Variants in BPHL observed in about 807,000 individuals in gnomAD.
BPHL encodes biphenyl hydrolase like, also known as serine hydrolase BPHL.
In BPHL, 27 loss-of-function variants were observed where a neutral mutation model predicts 31.2. The ratio of observed to expected loss-of-function variants is 0.87; its 90% CI spans 0.64 to 1.19. The LOEUF (loss-of-function observed/expected upper bound fraction) is 1.19, where lower values mean the gene tolerates loss of function less well. BPHL is among the 50% of genes most tolerant of loss of function. BPHL has a pLI of 0.00. For missense variants in BPHL, 356 were observed against 375.7 expected, an observed-to-expected ratio of 0.95 and a Z score of 0.43; for synonymous variants, 150 against 146.8, an observed-to-expected ratio of 1.02 and a Z score of -0.16.
At chr6:3,127,959 T>G (rs147063212) in intron 3 of BPHL, among the ~76,000 whole-genome samples, 359 of 152,282 alleles carry the variant, frequency 2.4e-3, no homozygotes, top group African/African-American at 8.1e-3. Context: ...TAGCTGGGAT[T>G]ACAGGCACAT....
intron 1 of BPHL, among the ~76,000 whole-genome samples, chr6:3,123,113 G>A (rs1384629918): frequency 6.6e-6 from 1 of 152,246 alleles, no homozygotes; most frequent in Non-Finnish European, 1.5e-5. Flanking sequence ...GTGAGCCCCA[G>A]GCTGGGCACA....
Position 3,152,514 on chromosome 6 carries a change from A to G in BPHL, c.815A>G (p.His272Arg). Reference protein sequence around the residue: ...SRLHLMPEGKHNLHLRFADEF... With the variant: ...SRLHLMPEGKRNLHLRFADEF... ...CTGCATTTGATGCCAGAAGGCAAAC[A>G]CAACCTGCATTTGCGTTTTGCAGAT... Residue 272 changes from histidine (H) to arginine (R), a missense_variant, in exon 7 of 7, where the codon CAC (histidine) becomes CGC (arginine). By Grantham distance (29) the His-to-Arg change is conservative. Coordinates refer to ENST00000380379, the MANE Select transcript of BPHL (RefSeq NM_004332.4). 6.2e-7 allele frequency: 1 copy of G among 1,613,462 alleles called. No homozygotes were observed. Among genetic ancestry groups the G allele is most frequent in the African/African-American group, 1.3e-5 (1 of 74,984 alleles).
intron 5 of BPHL, chr6:3,139,427 G>C (rs890593657): frequency 2.0e-5 from 3 of 152,160 alleles, no homozygotes; most frequent in African/African-American, 4.8e-5. Flanking sequence ...GTGTCATCTC[G>C]GGACAGGAGA....
At chr6:3,141,558 G>A (rs1762177706) in intron 6 of BPHL, among the ~76,000 whole-genome samples, 3 of 152,146 alleles carry the variant, frequency 2.0e-5, no homozygotes, top group South Asian at 2.1e-4. Context: ...CAGTAGAGAC[G>A]GGTTTCACAA....
chr6:3,130,528 C>T (rs1453053514), intron 4 of BPHL, among the ~76,000 whole-genome samples: 1 of 152,174 alleles, frequency 6.6e-6, no homozygotes, highest in Admixed American at 6.5e-5. Flanking sequence ...CCTCAGGCCA[C>T]TAGCTTTTTG....
At chr6:3,123,831 C>A in intron 2 of BPHL, 71 bp downstream of exon 2, 1 of 1,173,152 alleles carries the variant, frequency 8.5e-7, no homozygotes, top group Non-Finnish European at 1.2e-6. Context: ...TACTAGATGC[C>A]AAATACTGAT....
intron 4 of BPHL, among the ~76,000 whole-genome samples, chr6:3,133,321 G>C (rs576556172): frequency 6.6e-6 from 1 of 151,960 alleles, no homozygotes. Flanking sequence ...CGTTGGTCCC[G>C]TCTGGGCTGA....
chr6:3,127,996 T>A (rs989275113), intron 3 of BPHL, among the ~76,000 whole-genome samples: 2 of 152,132 alleles, frequency 1.3e-5, no homozygotes, highest in African/African-American at 4.8e-5. Flanking sequence ...AATTTTTGTA[T>A]TTTTAGTAGA....
Position 3,140,578 on chromosome 6 carries a change from G to C in BPHL, c.788+69G>C. ...AGTCAATGGGCAAAGCTACTGGAAG[G>C]AAAATAACCAAGAGGAGTTGGAGTT... On this transcript the variant is annotated intron_variant, in intron 6 of 6. Transcript: ENST00000380379. This position sits in a 1 kb window ranked among gnomAD's most constrained non-coding sequence, Gnocchi z 5.2. 1 of 1,596,570 alleles carries C rather than the reference G, an allele frequency of 6.3e-7. No individual in the cohort carries two copies. Among genetic ancestry groups the C allele is most frequent in the Non-Finnish European group, 8.5e-7 (1 of 1,173,348 alleles).
chr6:3,121,303 T>TC (rs1761566394), intron 1 of BPHL, among the ~76,000 whole-genome samples: 2 of 137,550 alleles, frequency 1.5e-5, no homozygotes, highest in African/African-American at 5.5e-5. Context: ...TTTTTTTTTT[T>TC]TTTTTTTTTT....
rs185266362 is a variant in BPHL, at chr6:3,140,723, C to T, written c.788+214C>T. Reference sequence around the variant, plus strand: ...TGATAACCAGAAGGAAAGGCATGTTCAGATAGACAGCTCTTACTTTCATGA... The same window carrying T: ...TGATAACCAGAAGGAAAGGCATGTTTAGATAGACAGCTCTTACTTTCATGA... On this transcript the variant is annotated intron_variant, in intron 6 of 6. Coordinates refer to ENST00000380379, the MANE Select transcript of BPHL (RefSeq NM_004332.4). The surrounding 1 kb of genome is among the most constrained non-coding windows in gnomAD (Gnocchi z 5.2). Among the ~76,000 whole-genome samples the T allele has an allele frequency of 3.9e-4, 59 of 152,338 alleles. No homozygotes were observed. Among genetic ancestry groups the T allele is most frequent in the Non-Finnish European group, 8.2e-4 (56 of 68,034 alleles).
intron 2 of BPHL, among the ~76,000 whole-genome samples, chr6:3,124,734 C>T (rs1761670603): frequency 6.6e-6 from 1 of 151,278 alleles, no homozygotes; most frequent in Admixed American, 6.6e-5. Flanking sequence ...ATTTTTGTTC[C>T]GAGGTTGGTT....
rs1762148909 is a variant in BPHL at position 3,140,609 on chromosome 6, G to A, written c.788+100G>A. 1 of 1,540,448 alleles carries A rather than the reference G, an allele frequency of 6.5e-7. No individual in the cohort carries two copies. The highest frequency in any genetic ancestry group is 8.8e-7 in the Non-Finnish European group (1 of 1,138,468). The stretch of plus-strand genomic sequence containing the variant: ...AACCAAGAGGAGTTGGAGTTTTAGA[G>A]TGCACAGCCCCCCTTTTGCCAATGC... On this transcript the variant is annotated intron_variant, in intron 6 of 6. Transcript: ENST00000380379. The surrounding 1 kb of genome is among the most constrained non-coding windows in gnomAD (Gnocchi z 5.2).
chr6:3,144,898 GAGCCCAGGCCT>G (rs930168556), intron 6 of BPHL, among the ~76,000 whole-genome samples: 8 of 152,350 alleles, frequency 5.3e-5, no homozygotes, highest in African/African-American at 1.9e-4. Context: ...CGCGTATTCT[GAGCCCAGGCCT>G]GAGGGCCAGA....
chr6:3,118,949 C>A, intron 1 of BPHL, 102 bp downstream of exon 1: 1 of 1,006,424 alleles, frequency 9.9e-7, no homozygotes, highest in Non-Finnish European at 1.3e-6. Context: ...CGCGCGGGCA[C>A]GGGGCGTGGG....
chr6:3,123,897 A>G lies in BPHL; in HGVS notation c.211+137A>G, dbSNP rs188447392. The G allele has an allele frequency of 1.0e-3, 719 of 719,902 alleles. 2 individuals carry two copies. Among genetic ancestry groups the G allele is most frequent in the Middle Eastern group, 3.8e-3 (13 of 3,386 alleles). 44.6% of individuals were successfully genotyped at this position (719,902 alleles called of 1,614,324 possible). A position where few individuals can be genotyped will look rare whatever the true frequency, so the allele number is the denominator to read the frequency against. ...TCATATTTGCTACAATCAAACTTAA[A>G]TGACTTAGAAAAGTAGGTAACTTTC... On this transcript the variant is annotated intron_variant, in intron 2 of 6. Coordinates refer to ENST00000380379, the MANE Select transcript of BPHL (RefSeq NM_004332.4).
intron 2 of BPHL, chr6:3,124,000 C>CT: frequency 3.9e-6 from 1 of 259,122 alleles, no homozygotes; most frequent in Non-Finnish European, 7.4e-6. Flanking sequence ...TCTGTGAAAT[C>CT]ACAGTTGCCC....
At chr6:3,141,283 A>G (rs1427832654) in intron 6 of BPHL, among the ~76,000 whole-genome samples, 1 of 152,224 alleles carries the variant, frequency 6.6e-6, no homozygotes, top group East Asian at 1.9e-4. Flanking sequence ...CAAATAATTC[A>G]TTTGGTAAGA....
chr6:3,149,366 A>T lies in BPHL; in HGVS notation c.789-3122A>T, dbSNP rs1448781381. 2.2e-5 allele frequency among the ~76,000 whole-genome samples: 1 copy of T among 46,158 alleles called. No individual in the cohort carries two copies. The highest frequency in any genetic ancestry group is 2.1e-4 in the African/African-American group (1 of 4,878). The allele number at this position is 46,158 out of a possible 152,430, so 30.3% of individuals were successfully genotyped here. ...CTCCACACACCACTTAAAAGCACCA[A>T]CCCAGCAGCCCGAGGGTCCTCTAGC... On this transcript the variant is annotated intron_variant, in intron 6 of 6. Coordinates refer to ENST00000380379, the MANE Select transcript of BPHL (RefSeq NM_004332.4). The surrounding 1 kb of genome is among the most constrained non-coding windows in gnomAD (Gnocchi z 4.6).
Sources: allele counts gnomAD v4.1 joint callset (sites outside exome capture counted in the v4.1 genomes callset), GRCh38; gene constraint gnomAD v4.1.1; non-coding constraint Gnocchi (gnomAD v3.1); transcripts MANE v1.5; gene names NCBI Gene and HGNC (gene_info 2026-07-23, HGNC 2026-07-21).